The following PATJ variants were observed in gnomAD, a reference collection of about 807,000 sequenced individuals.
The protein encoded by PATJ is inaD-like protein.
In PATJ, 190 loss-of-function variants were observed where a neutral mutation model predicts 224.9. The ratio of observed to expected loss-of-function variants is 0.84; its 90% CI spans 0.75 to 0.95. The LOEUF (loss-of-function observed/expected upper bound fraction) is 0.95, where lower values mean the gene tolerates loss of function less well. PATJ is among the 40% of genes least tolerant of loss of function. The pLI, the probability that PATJ is intolerant of heterozygous loss-of-function variation, is 0.00. For missense variants in PATJ, 2,121 were observed against 2,270.3 expected (o/e 0.93, Z 1.34); for synonymous variants, 769 against 820.3 (o/e 0.94, Z 1.07).
intron 41 of PATJ, among the ~76,000 whole-genome samples, chr1:62,136,665 CTGTGTGTGTGTGTG>C (rs71050202): frequency 2.1e-5 from 1 of 46,848 alleles, no homozygotes; most frequent in Admixed American, 2.6e-4. Context: ...GTGTGTGTGT[CTGTGTGTGTGTGTG>C]TGTGTGTGTG....
In PATJ at chr1:62,042,300, G is replaced by A. The variant is rs540778470; in HGVS notation, c.4032+4251G>A. On this transcript the variant is annotated intron_variant, in intron 30 of 43. Coordinates refer to ENST00000642238, the MANE Select transcript of PATJ (RefSeq NM_001350145.3). ...TTTTTAGTTCCACTCTGGACTGTTG[G>A]CTGTGGTAACTGCTACCAAATGATG... Among the ~76,000 whole-genome samples the A allele has an allele frequency of 7.2e-5, 11 of 152,244 alleles. No homozygotes were observed. The South Asian group carries it at 2.3e-3, about 32-fold the overall frequency.
chr1:61,888,378 A>C (rs1669169457), intron 22 of PATJ, among the ~76,000 whole-genome samples: 1 of 151,946 alleles, frequency 6.6e-6, no homozygotes, highest in East Asian at 1.9e-4. Context: ...CCAGGTTCAC[A>C]CCATCCTCCC....
chr1:61,795,099 TAAAAAA>T lies in PATJ; in HGVS notation c.1169-350_1169-345del, dbSNP rs78496504. 1.3e-3 allele frequency among the ~76,000 whole-genome samples: 127 copies of T among 101,196 alleles called. 1 individual carries two copies. The highest frequency in any genetic ancestry group is 5.4e-3 in the Middle Eastern group (1 of 186). 66.4% of individuals were successfully genotyped at this position (101,196 alleles called of 152,430 possible). A position where few individuals can be genotyped will look rare whatever the true frequency, so the allele number is the denominator to read the frequency against. On this transcript the variant is annotated intron_variant, in intron 9 of 43. Coordinates refer to ENST00000642238, the MANE Select transcript of PATJ (RefSeq NM_001350145.3). ...TAGGAGACTCTTGTCATAGTGATGG[TAAAAAA>T]AAAAAAAAAAAAAAAAAGAAGTTTT...
chr1:61,881,857 A>G (rs1438365591), intron 21 of PATJ, among the ~76,000 whole-genome samples: 1 of 152,188 alleles, frequency 6.6e-6, no homozygotes, highest in Non-Finnish European at 1.5e-5. Flanking sequence ...ATTATCAAAG[A>G]TACACTTGTT....
At chr1:61,752,198 G>T (rs1214129785) in intron 1 of PATJ, among the ~76,000 whole-genome samples, 2 of 151,578 alleles carry the variant, frequency 1.3e-5, no homozygotes, top group East Asian at 3.9e-4. Flanking sequence ...TACAAAAGTG[G>T]CCAAGTTATA....
intron 20 of PATJ, among the ~76,000 whole-genome samples, chr1:61,871,631 C>T (rs1436689404): frequency 9.5e-5 from 13 of 137,062 alleles, no homozygotes; most frequent in African/African-American, 2.8e-4. Flanking sequence ...GGTGTGATCT[C>T]GGCTCACTGC....
At chr1:61,960,267 G>A (rs1192482474) in intron 27 of PATJ, among the ~76,000 whole-genome samples, 1 of 152,068 alleles carries the variant, frequency 6.6e-6, no homozygotes, top group African/African-American at 2.4e-5. Context: ...TTATTTAGAG[G>A]ACTAAGTGAC....
At chr1:61,861,381 G>A (rs1237249252) in intron 18 of PATJ, among the ~76,000 whole-genome samples, 170 bp from the exon 19 acceptor site, 1 of 144,704 alleles carries the variant, frequency 6.9e-6, no homozygotes, top group Non-Finnish European at 1.5e-5. Context: ...GAATGTTCAG[G>A]TTTGTTAAAT....
Position 62,143,239 on chromosome 1 carries a change from C to T in PATJ, c.5272-5045C>T, listed in dbSNP as rs78293178. On this transcript the variant is annotated intron_variant, in intron 41 of 43. Transcript: ENST00000642238. Reference sequence around the variant, plus strand: ...GCACCAGCCAGCACACCAGTATTTTCACTATTTCACCCAGTATATTTCTAA... The same window carrying T: ...GCACCAGCCAGCACACCAGTATTTTTACTATTTCACCCAGTATATTTCTAA... Among the ~76,000 whole-genome samples the T allele has an allele frequency of 6.4e-3, 981 of 152,246 alleles. 12 individuals carry two copies. Among genetic ancestry groups the T allele is most frequent in the African/African-American group, 0.022 (935 of 41,556 alleles).
intron 27 of PATJ, among the ~76,000 whole-genome samples, chr1:61,982,048 G>A (rs1557986413): frequency 6.6e-6 from 1 of 151,998 alleles, no homozygotes; most frequent in African/African-American, 2.4e-5. Flanking sequence ...ATACACATCT[G>A]CAGGGGAGAA....
chr1:62,031,841 C>G (rs1649360224), intron 29 of PATJ, among the ~76,000 whole-genome samples: 1 of 152,108 alleles, frequency 6.6e-6, no homozygotes, highest in Non-Finnish European at 1.5e-5. Context: ...TAACTACTAC[C>G]TAGACTTGTT....
chr1:61,804,404 G>A (rs1653123884), intron 12 of PATJ, among the ~76,000 whole-genome samples: 1 of 151,984 alleles, frequency 6.6e-6, no homozygotes, highest in African/African-American at 2.4e-5. Flanking sequence ...TTTGAGGTTA[G>A]CCTGTTTCAC....
intron 14 of PATJ, among the ~76,000 whole-genome samples, chr1:61,812,433 A>AGAGAGAGAGAGT (rs1397549346): frequency 2.3e-5 from 2 of 85,150 alleles, no homozygotes; most frequent in African/African-American, 4.5e-5. Flanking sequence ...AGAGAGAGAG[A>AGAGAGAGAGAGT]GTGTGTGTGT....
At chr1:62,094,886 G>A (rs1275276449) in intron 33 of PATJ, among the ~76,000 whole-genome samples, 1 of 152,166 alleles carries the variant, frequency 6.6e-6, no homozygotes, top group Non-Finnish European at 1.5e-5. Flanking sequence ...GTCTGACTGT[G>A]TTGTGAGATT....
chr1:61,830,478 C>T (rs1437892100), intron 16 of PATJ, among the ~76,000 whole-genome samples: 4 of 76,350 alleles, frequency 5.2e-5, no homozygotes, highest in Non-Finnish European at 9.6e-5. Flanking sequence ...CATTTTTCAC[C>T]GAATTAGAAA....
intron 42 of PATJ, among the ~76,000 whole-genome samples, chr1:62,149,407 C>A (rs879313401): frequency 6.6e-6 from 1 of 152,124 alleles, no homozygotes; most frequent in Non-Finnish European, 1.5e-5. Context: ...TTTGAAGGAT[C>A]TCATGGTCAT....
intron 29 of PATJ, among the ~76,000 whole-genome samples, chr1:62,019,603 CAG>C (rs1190538489): frequency 2.0e-5 from 3 of 151,842 alleles, no homozygotes; most frequent in Non-Finnish European, 4.4e-5. Context: ...ACTCTATTTT[CAG>C]AGAGTGAAAG....
At chr1:61,912,527 G>A (rs1672810548) in intron 25 of PATJ, among the ~76,000 whole-genome samples, 1 of 151,710 alleles carries the variant, frequency 6.6e-6, no homozygotes, top group South Asian at 2.1e-4. Flanking sequence ...GGGAGACACA[G>A]GTTGCAGTGA....
intron 27 of PATJ, among the ~76,000 whole-genome samples, chr1:61,942,132 C>T (rs74635311): frequency 0.02 from 3,103 of 152,106 alleles, 76 homozygotes; most frequent in African/African-American, 0.053. Context: ...TTGCAGGATT[C>T]CTAGTATTTT....
Sources: allele counts gnomAD v4.1 joint callset (sites outside exome capture counted in the v4.1 genomes callset), GRCh38; gene constraint gnomAD v4.1.1; transcripts MANE v1.5; gene names NCBI Gene and HGNC (gene_info 2026-07-23, HGNC 2026-07-21).